CDH4: variants seen among roughly 807,000 people sequenced by gnomAD.
The protein encoded by CDH4 is cadherin-4.
Under a neutral mutation model 86.0 loss-of-function variants are expected in CDH4, and 33 were observed. The observed-to-expected ratio is 0.38, with a 90% CI of 0.29 to 0.51. The LOEUF (loss-of-function observed/expected upper bound fraction) is 0.51. CDH4 is among the 20% of genes least tolerant of loss of function. CDH4 has a pLI of 0.86. For synonymous variants in CDH4, 555 were observed against 549.4 expected (o/e 1.01, Z -0.14); for missense variants, 1,114 against 1,307.4 (o/e 0.85, Z 2.28).
At chr20:61,533,483 C>T (rs56084915) in intron 2 of CDH4, among the ~76,000 whole-genome samples, 7,978 of 152,282 alleles carry the variant, frequency 0.052, 712 homozygotes, top group African/African-American at 0.18. Flanking sequence ...GAAAGACCCG[C>T]GTGGCCTGAG....
At chr20:61,609,016 C>T (rs1398610187) in intron 2 of CDH4, among the ~76,000 whole-genome samples, 1 of 152,224 alleles carries the variant, frequency 6.6e-6, no homozygotes, top group Non-Finnish European at 1.5e-5. Flanking sequence ...AGACCCTGAG[C>T]TCAGTGCCCA....
At chr20:61,470,661 T>C (rs2085496866) in intron 2 of CDH4, among the ~76,000 whole-genome samples, 1 of 152,168 alleles carries the variant, frequency 6.6e-6, no homozygotes, top group Non-Finnish European at 1.5e-5. Context: ...AGTATGACAC[T>C]GGCAGTGAGT....
rs146913313 is a variant in CDH4, at chr20:61,652,493, C to T, written c.170-91070C>T. 1.1e-3 allele frequency among the ~76,000 whole-genome samples: 175 copies of T among 152,298 alleles called. 1 individual carries two copies. The highest frequency in any genetic ancestry group is 4.0e-3 in the African/African-American group (167 of 41,550). ...CCTTTATGACGGTTGGCTGAGTTAT[C>T]TCTAATTTTTCAAGTTCATAAATAA... On this transcript the variant is annotated intron_variant, in intron 2 of 15. Coordinates refer to ENST00000614565, the MANE Select transcript of CDH4 (RefSeq NM_001794.5).
intron 2 of CDH4, among the ~76,000 whole-genome samples, chr20:61,671,874 A>C (rs1471327528): frequency 2.0e-5 from 3 of 149,792 alleles, no homozygotes; most frequent in Admixed American, 6.6e-5. Flanking sequence ...GGATGGATGG[A>C]TGGTGGATGG....
At chr20:61,551,365 A>C (rs553864339) in intron 2 of CDH4, among the ~76,000 whole-genome samples, 1 of 152,248 alleles carries the variant, frequency 6.6e-6, no homozygotes, top group South Asian at 2.1e-4. Context: ...GTCATACAGA[A>C]AATTTCACAA....
intron 2 of CDH4, among the ~76,000 whole-genome samples, chr20:61,725,789 G>A (rs922409894): frequency 3.5e-4 from 53 of 150,170 alleles, no homozygotes; most frequent in African/African-American, 1.3e-3. Flanking sequence ...GGAGGGCTGG[G>A]AGGGGAGGTG....
intron 7 of CDH4, among the ~76,000 whole-genome samples, chr20:61,885,513 G>A (rs764520449): frequency 6.6e-5 from 10 of 152,310 alleles, no homozygotes; most frequent in African/African-American, 1.9e-4. Context: ...GGGCAACCAC[G>A]TTCTCTTTGT....
At chr20:61,739,734 C>T (rs961265492) in intron 2 of CDH4, among the ~76,000 whole-genome samples, 3 of 152,212 alleles carry the variant, frequency 2.0e-5, no homozygotes, top group Non-Finnish European at 2.9e-5. Context: ...GAAGGACTGC[C>T]CACTGCTGGC....
intron 2 of CDH4, among the ~76,000 whole-genome samples, chr20:61,656,215 A>AGGCGGGCAGGCGCGTGCTGG (rs1400098900): frequency 8.5e-6 from 1 of 118,224 alleles, no homozygotes; most frequent in African/African-American, 3.3e-5. Context: ...ATGCATGCTG[A>AGGCGGGCAGGCGCGTGCTGG]GGCGGGCAGG....
chr20:61,342,321 A>G (rs2084653270), intron 2 of CDH4, among the ~76,000 whole-genome samples: 2 of 152,210 alleles, frequency 1.3e-5, no homozygotes, highest in Non-Finnish European at 2.9e-5. Context: ...AGAATTACAC[A>G]ACTCACCATG....
At chr20:61,404,878 G>T (rs188730028) in intron 2 of CDH4, among the ~76,000 whole-genome samples, 1 of 152,002 alleles carries the variant, frequency 6.6e-6, no homozygotes, top group African/African-American at 2.4e-5. Flanking sequence ...GTGAAACCCC[G>T]TCTCTACTAA....
At chr20:61,619,881 G>A (rs888628792) in intron 2 of CDH4, among the ~76,000 whole-genome samples, 4 of 152,242 alleles carry the variant, frequency 2.6e-5, no homozygotes, top group Non-Finnish European at 5.9e-5. Flanking sequence ...TGATGGCAGC[G>A]CTGGGGCCTG....
intron 2 of CDH4, among the ~76,000 whole-genome samples, chr20:61,352,679 T>TG (rs2084719709): frequency 6.6e-6 from 1 of 152,202 alleles, no homozygotes; most frequent in Admixed American, 6.5e-5. Context: ...TCTCCTTGGA[T>TG]GGAGATGTTC....
chr20:61,919,593 TG>T, intron 9 of CDH4, among the ~76,000 whole-genome samples: 1 of 152,368 alleles, frequency 6.6e-6, no homozygotes, highest in African/African-American at 2.4e-5. Context: ...TCATGCTTCT[TG>T]GGGAAAGCTG....
intron 2 of CDH4, among the ~76,000 whole-genome samples, chr20:61,619,705 C>T (rs553138985): frequency 1.3e-5 from 2 of 152,230 alleles, no homozygotes; most frequent in African/African-American, 4.8e-5. Context: ...CCGTTGTGAT[C>T]TGTATCCTCA....
At chr20:61,860,732 G>T (rs1568854471) in intron 6 of CDH4, among the ~76,000 whole-genome samples, 1 of 152,190 alleles carries the variant, frequency 6.6e-6, no homozygotes, top group Non-Finnish European at 1.5e-5. Context: ...GTGGCATCCA[G>T]GCCCCTGCAG....
chr20:61,359,457 C>T (rs1226501407), intron 2 of CDH4, among the ~76,000 whole-genome samples: 2 of 152,222 alleles, frequency 1.3e-5, no homozygotes, highest in Admixed American at 6.5e-5. Context: ...TTCCCCAGCA[C>T]GCAGGCCGCC....
At chr20:61,311,096 C>A (rs6028103) in intron 2 of CDH4, among the ~76,000 whole-genome samples, 1 of 151,968 alleles carries the variant, frequency 6.6e-6, no homozygotes, top group Non-Finnish European at 1.5e-5. Flanking sequence ...TACAGTGAAG[C>A]GAACCTCCGG....
intron 4 of CDH4, among the ~76,000 whole-genome samples, chr20:61,790,390 C>CTCTACCCATCCCCTCA (rs1173072073): frequency 3.8e-4 from 58 of 150,714 alleles, no homozygotes; most frequent in Non-Finnish European, 4.9e-4. Flanking sequence ...TCATTCGTCT[C>CTCTACCCATCCCCTCA]TCTACCCATC....
Sources: allele counts gnomAD v4.1 joint callset (sites outside exome capture counted in the v4.1 genomes callset), GRCh38; gene constraint gnomAD v4.1.1; transcripts MANE v1.5; gene names NCBI Gene and HGNC (gene_info 2026-07-23, HGNC 2026-07-21).